PLSCR4: variants seen among roughly 807,000 people sequenced by gnomAD.
PLSCR4 encodes phospholipid scramblase 4, also known as Ca(2+)-dependent phospholipid scramblase 4.
A neutral mutation model predicts 36.3 loss-of-function variants in PLSCR4; 25 were observed. That is an observed-to-expected ratio of 0.69 (90% CI 0.50 to 0.96). PLSCR4 has a LOEUF of 0.96. Among genes scored for constraint, PLSCR4 ranks in the 40% least tolerant of loss-of-function variants. The pLI is 0.00. For missense variants in PLSCR4, 408 were observed against 414.7 expected (o/e 0.98, Z 0.14); for synonymous variants, 122 against 132.9 (o/e 0.92, Z 0.56).
intron 3 of PLSCR4, among the ~76,000 whole-genome samples, chr3:146,220,031 AC>A (rs1402828399): frequency 1.3e-5 from 2 of 152,270 alleles, no homozygotes; most frequent in Non-Finnish European, 2.9e-5. Flanking sequence ...AATGGTTTCT[AC>A]TTCTAAATAT....
chr3:146,204,289 G>A lies in PLSCR4; in HGVS notation c.354+2237C>T, dbSNP rs180771314. Among the ~76,000 whole-genome samples the A allele has an allele frequency of 7.2e-5, 11 of 151,916 alleles. No homozygotes were observed. In the East Asian group the frequency reaches 2.1e-3, roughly 29 times the overall value. ...TCTCAAAAAGACTAGGGTAGATAGA[G>A]GAAAAAGATTGGCTCTATGTCTTGC... On this transcript the variant is annotated intron_variant, in intron 4 of 8. Coordinates refer to ENST00000354952, the MANE Select transcript of PLSCR4 (RefSeq NM_020353.3).
chr3:146,226,090 AAC>A (rs34012842), intron 1 of PLSCR4, among the ~76,000 whole-genome samples: 5,509 of 152,330 alleles, frequency 0.036, 152 homozygotes, highest in South Asian at 0.073. Flanking sequence ...GGGAATTAAA[AAC>A]ACAAAATTTC....
intron 3 of PLSCR4, among the ~76,000 whole-genome samples, chr3:146,219,096 C>T (rs1576471280): frequency 6.6e-6 from 1 of 152,176 alleles, no homozygotes. Flanking sequence ...CACCAGGTGG[C>T]GATCAGAGCG....
In PLSCR4 at chr3:146,237,917, A is replaced by C. The variant is rs142125367; in HGVS notation, c.-22+13043T>G. Among the ~76,000 whole-genome samples the C allele has an allele frequency of 8.0e-3, 1,219 of 151,898 alleles. 22 individuals carry two copies. The highest frequency in any genetic ancestry group is 0.026 in the African/African-American group (1,096 of 41,526). ...AAAAAAGCTAAAAATTGTTGCTTTG[A>C]AAAGATCAAAACTGACAAACTTTTG... is the stretch of plus-strand genomic sequence containing the variant. On this transcript the variant is annotated intron_variant, in intron 1 of 8. Transcript: ENST00000354952.
intron 7 of PLSCR4, among the ~76,000 whole-genome samples, chr3:146,195,822 C>T (rs1179709724): frequency 1.3e-5 from 2 of 152,206 alleles, no homozygotes; most frequent in Non-Finnish European, 1.5e-5. Context: ...GGAATGATCA[C>T]ACACACCCTG....
chr3:146,220,818 G>C lies in PLSCR4; in HGVS notation c.115C>G (p.Pro39Ala), dbSNP rs768791362. Residue 39 changes from proline to alanine, a missense_variant, in exon 3 of 9, where the codon CCA (proline) becomes GCA (alanine). By Grantham distance (27) the Pro-to-Ala change is conservative (BLOSUM62 -1). Transcript: ENST00000354952. ...APPEYNSHFL[P>A]GPPGTAVPPP... ...CTTTTATGAATATTTAACCCACCTG[G>C]TAAAAAATGAGAATTGTATTCAGGA... The C allele has an allele frequency of 6.3e-7, 1 of 1,582,368 alleles. No individual in the cohort carries two copies. Among genetic ancestry groups the C allele is most frequent in the Admixed American group, 1.7e-5 (1 of 59,324 alleles).
intron 7 of PLSCR4, 34 bp from the exon 8 acceptor site, chr3:146,195,316 G>T: frequency 6.5e-7 from 1 of 1,541,290 alleles, no homozygotes; most frequent in South Asian, 1.1e-5. Flanking sequence ...TATGATGATT[G>T]AAACGCATTG....
At chr3:146,212,001 T>C (rs987625359) in intron 3 of PLSCR4, among the ~76,000 whole-genome samples, 3 of 152,158 alleles carry the variant, frequency 2.0e-5, no homozygotes, top group African/African-American at 7.2e-5. Flanking sequence ...TCCAATTTTT[T>C]TTCAAGATTG....
intron 1 of PLSCR4, among the ~76,000 whole-genome samples, chr3:146,232,377 A>G (rs2035747457): frequency 6.6e-6 from 1 of 152,134 alleles, no homozygotes; most frequent in South Asian, 2.1e-4. Context: ...TTCTGTGAAA[A>G]ATGACATTGG....
chr3:146,199,849 G>A lies in PLSCR4; in HGVS notation c.588C>T (p.Thr196=), dbSNP rs1376295023. 1.9e-6 allele frequency: 3 copies of A among 1,613,430 alleles called. No homozygotes were observed. Among genetic ancestry groups the A allele is most frequent in the East Asian group, 2.2e-5 (1 of 44,844 alleles). Residue 196 remains threonine, a synonymous_variant, in exon 6 of 9, where the codon ACC becomes ACT. Coordinates refer to ENST00000354952, the MANE Select transcript of PLSCR4 (RefSeq NM_020353.3). ...CAGAGGGGCAACAGAAGCAACAGCA[G>A]GTGCATCTGAAGGGTCTCTGCATTG... The part of the protein sequence containing the change: ...IMTMQRPFRC[T]CCCFCCPSAR...
chr3:146,215,600 C>T (rs903115042), intron 3 of PLSCR4, among the ~76,000 whole-genome samples: 20 of 152,054 alleles, frequency 1.3e-4, no homozygotes, highest in Admixed American at 6.6e-5. Context: ...CTGAAAATTA[C>T]TGCTTTTCCT....
chr3:146,237,100 A>G (rs1291664984), intron 1 of PLSCR4, among the ~76,000 whole-genome samples: 1 of 152,172 alleles, frequency 6.6e-6, no homozygotes, highest in Non-Finnish European at 1.5e-5. Flanking sequence ...TACAAGAGAC[A>G]CAATTTATAA....
intron 8 of PLSCR4, 94 bp downstream of exon 8, chr3:146,195,025 GTTGGA>G: frequency 2.0e-6 from 2 of 995,254 alleles, no homozygotes; most frequent in Non-Finnish European, 3.0e-6. Context: ...ACAGAGATAA[GTTGGA>G]TTGGTTTCAA....
intron 1 of PLSCR4, among the ~76,000 whole-genome samples, chr3:146,248,477 TACACACACACAGAC>T (rs2036429060): frequency 6.6e-6 from 1 of 151,066 alleles, no homozygotes; most frequent in Non-Finnish European, 1.5e-5. Context: ...ATTACTACAC[TACACACACACAGAC>T]ACACACACAC....
intron 6 of PLSCR4, among the ~76,000 whole-genome samples, chr3:146,198,181 G>A (rs1327075662): frequency 1.3e-5 from 2 of 152,120 alleles, no homozygotes; most frequent in South Asian, 2.1e-4. Context: ...GGGACAAAGA[G>A]GAGGGAGGAA....
At chr3:146,243,907 T>C (rs2036249267) in intron 1 of PLSCR4, among the ~76,000 whole-genome samples, 1 of 152,208 alleles carries the variant, frequency 6.6e-6, no homozygotes, top group South Asian at 2.1e-4. Context: ...GTAATCAAAA[T>C]ACAGCATTGT....
At chr3:146,213,899 ATATGAGG>A (rs1419322992) in intron 3 of PLSCR4, among the ~76,000 whole-genome samples, 1 of 152,016 alleles carries the variant, frequency 6.6e-6, no homozygotes, top group East Asian at 1.9e-4. Context: ...GATTTTAGTA[ATATGAGG>A]TGTTTTATTT....
chr3:146,239,807 C>T (rs1296761482), intron 1 of PLSCR4, among the ~76,000 whole-genome samples: 10 of 151,826 alleles, frequency 6.6e-5, no homozygotes, highest in South Asian at 2.1e-4. Flanking sequence ...CACTTGAACC[C>T]GGGAGGTGGG....
At chr3:146,229,293 G>A (rs890346368) in intron 1 of PLSCR4, among the ~76,000 whole-genome samples, 3 of 152,166 alleles carry the variant, frequency 2.0e-5, no homozygotes, top group Non-Finnish European at 2.9e-5. Context: ...GATGTGATTA[G>A]AGAATTGGAG....
Sources: allele counts gnomAD v4.1 joint callset (sites outside exome capture counted in the v4.1 genomes callset), GRCh38; gene constraint gnomAD v4.1.1; transcripts MANE v1.5; gene names NCBI Gene and HGNC (gene_info 2026-07-23, HGNC 2026-07-21).